CTNND2: variants seen among roughly 807,000 people sequenced by gnomAD.
The protein encoded by CTNND2 is catenin delta 2.
A neutral mutation model predicts 144.4 loss-of-function variants in CTNND2; 22 were observed. The ratio of observed to expected loss-of-function variants is 0.15; its 90% confidence interval spans 0.11 to 0.22. The LOEUF (loss-of-function observed/expected upper bound fraction) is 0.22, where lower values mean the gene tolerates loss of function less well. CTNND2 is among the 10% of genes least tolerant of loss of function. The pLI, the probability that CTNND2 is intolerant of heterozygous loss-of-function variation, is 1.00. For synonymous variants in CTNND2, 751 were observed against 695.6 expected, an observed-to-expected ratio of 1.08 and a Z score of -1.25; for missense variants, 1,353 against 1,618.8, an observed-to-expected ratio of 0.84 and a Z score of 2.82.
chr5:11,798,601 T>C (rs944331942), intron 1 of CTNND2, among the ~76,000 whole-genome samples: 6 of 152,270 alleles, frequency 3.9e-5, no homozygotes, highest in Admixed American at 2.0e-4. Flanking sequence ...ACCCTGTCTT[T>C]ACTAAAAATA....
At chr5:11,652,146 G>A (rs1409006603) in intron 2 of CTNND2, among the ~76,000 whole-genome samples, 1 of 152,136 alleles carries the variant, frequency 6.6e-6, no homozygotes, top group African/African-American at 2.4e-5. Flanking sequence ...CTTGGTTGGG[G>A]GTAACTGGAT....
At chr5:11,583,212 A>C (rs1445372785) in intron 2 of CTNND2, among the ~76,000 whole-genome samples, 1 of 152,186 alleles carries the variant, frequency 6.6e-6, no homozygotes, top group African/African-American at 2.4e-5. Flanking sequence ...TTCTGACACC[A>C]GTAATTCACA....
intron 2 of CTNND2, among the ~76,000 whole-genome samples, chr5:11,624,923 T>C (rs1781069455): frequency 6.6e-6 from 1 of 152,086 alleles, no homozygotes; most frequent in Non-Finnish European, 1.5e-5. Context: ...TGTAGCCTAA[T>C]GTAACTTGTG....
Position 10,988,673 on chromosome 5 carries a change from T to C in CTNND2, c.3212-431A>G, listed in dbSNP as rs1050840291. Among the ~76,000 whole-genome samples the C allele has an allele frequency of 2.0e-5, 3 of 152,206 alleles. No homozygotes were observed. The highest frequency in any genetic ancestry group is 7.2e-5 in the African/African-American group (3 of 41,432). On this transcript the variant is annotated intron_variant, in intron 19 of 21. Transcript: ENST00000304623. The surrounding 1 kb of genome is among the most constrained non-coding windows in gnomAD (Gnocchi z 5.9). ...TGTTTCAGAAGATCTATTACTGATA[T>C]TGACTAATCCTTGATTAAAATAAAT...
At chr5:11,820,866 T>C (rs550887813) in intron 1 of CTNND2, among the ~76,000 whole-genome samples, 4 of 152,300 alleles carry the variant, frequency 2.6e-5, no homozygotes, top group East Asian at 1.9e-4. Context: ...CACAAACTAA[T>C]TGGCAATTGT....
intron 3 of CTNND2, among the ~76,000 whole-genome samples, chr5:11,495,469 A>C (rs745402063): frequency 6.6e-6 from 1 of 152,190 alleles, no homozygotes; most frequent in Non-Finnish European, 1.5e-5. Context: ...AAAGCTAACT[A>C]TGTGAGCCAC....
intron 3 of CTNND2, among the ~76,000 whole-genome samples, chr5:11,520,520 G>T (rs1386474568): frequency 6.6e-6 from 1 of 152,234 alleles, no homozygotes; most frequent in African/African-American, 2.4e-5. Context: ...GTTCTCAGTA[G>T]AGGATCCCTT....
chr5:11,434,936 C>T (rs1268351729), intron 3 of CTNND2, among the ~76,000 whole-genome samples: 1 of 151,896 alleles, frequency 6.6e-6, no homozygotes, highest in Non-Finnish European at 1.5e-5. Context: ...ATATAGCATG[C>T]ACAAGTGTAA....
intron 2 of CTNND2, among the ~76,000 whole-genome samples, chr5:11,595,952 T>G (rs766156813): frequency 2.0e-5 from 3 of 152,208 alleles, no homozygotes; most frequent in Admixed American, 1.3e-4. Flanking sequence ...ATATATTCTT[T>G]CCAAATAATA....
intron 6 of CTNND2, among the ~76,000 whole-genome samples, chr5:11,387,140 G>T (rs61749839): frequency 0.014 from 1,814 of 133,066 alleles, 29 homozygotes; most frequent in East Asian, 0.052. Flanking sequence ...AGTTTTTTTT[G>T]GAAGCTCAGC....
chr5:11,114,864 G>T (rs1331509569), intron 13 of CTNND2, among the ~76,000 whole-genome samples: 3 of 151,996 alleles, frequency 2.0e-5, no homozygotes, highest in Admixed American at 6.5e-5. Context: ...GCCAAGCAGA[G>T]GGCTGAGTGG....
chr5:11,469,459 A>C (rs898446086), intron 3 of CTNND2, among the ~76,000 whole-genome samples: 1 of 152,214 alleles, frequency 6.6e-6, no homozygotes, highest in African/African-American at 2.4e-5. Context: ...ACAGAAAGGC[A>C]TAACACTGCT....
At chr5:11,612,745 A>G (rs1780393327) in intron 2 of CTNND2, among the ~76,000 whole-genome samples, 1 of 152,042 alleles carries the variant, frequency 6.6e-6, no homozygotes, top group Non-Finnish European at 1.5e-5. Context: ...TACAAAAAAT[A>G]AAAAATTAGT....
At position 11,258,250 on chromosome 5, in the gene CTNND2, G is replaced by A. The variant is rs6890633; in HGVS notation, c.1629-21427C>T. On this transcript the variant is annotated intron_variant, in intron 9 of 21. Transcript: ENST00000304623. ...ATGTCCACAGGCCAGGGAGGCAGCC[G>A]ACATATGGCCCAAAGAGGGAATGGA... 6.3e-3 allele frequency among the ~76,000 whole-genome samples: 954 copies of A among 152,288 alleles called. 10 individuals are homozygous for A. Among genetic ancestry groups the A allele is most frequent in the African/African-American group, 0.022 (917 of 41,568 alleles).
At chr5:11,397,266 T>C in intron 5 of CTNND2, 63 bp from the exon 6 acceptor site, 1 of 1,443,866 alleles carries the variant, frequency 6.9e-7, no homozygotes, top group South Asian at 1.3e-5. Context: ...TGACATGTAT[T>C]ATTTATTGAG....
chr5:11,341,192 G>A (rs949637733), intron 9 of CTNND2, among the ~76,000 whole-genome samples: 1 of 152,160 alleles, frequency 6.6e-6, no homozygotes, highest in Non-Finnish European at 1.5e-5. Flanking sequence ...TGTCTCCCAA[G>A]GCCACTCTTT....
chr5:11,082,633 C>A (rs750550285), intron 16 of CTNND2, 63 bp downstream of exon 16: 2 of 1,580,322 alleles, frequency 1.3e-6, no homozygotes, highest in Non-Finnish European at 1.7e-6. Context: ...TTCAACCACA[C>A]CTACCCCTAG....
At chr5:11,846,125 C>A (rs1794724339) in intron 1 of CTNND2, among the ~76,000 whole-genome samples, 1 of 151,986 alleles carries the variant, frequency 6.6e-6, no homozygotes, top group African/African-American at 2.4e-5. Context: ...AAAATCCAAA[C>A]CAGAAATAGG....
At chr5:11,356,358 C>CTAA (rs1284534126) in intron 8 of CTNND2, among the ~76,000 whole-genome samples, 2 of 151,888 alleles carry the variant, frequency 1.3e-5, no homozygotes, top group African/African-American at 2.4e-5. Flanking sequence ...AGACACTAGA[C>CTAA]TAATGGAAGA....
Sources: allele counts gnomAD v4.1 joint callset (sites outside exome capture counted in the v4.1 genomes callset), GRCh38; gene constraint gnomAD v4.1.1; non-coding constraint Gnocchi (gnomAD v3.1); transcripts MANE v1.5; gene names NCBI Gene and HGNC (gene_info 2026-07-23, HGNC 2026-07-21).